SCML2: variants seen among roughly 807,000 people sequenced by gnomAD.
SCML2 encodes the protein Scm polycomb group protein like 2, also known as sex comb on midleg-like protein 2.
A neutral mutation model predicts 48.4 loss-of-function variants in SCML2; 6 were observed. The observed-to-expected ratio is 0.12, with a 90% CI of 0.07 to 0.24. The LOEUF is 0.24. Among genes scored for constraint, SCML2 ranks in the 10% least tolerant of loss-of-function variants. The pLI, the probability that SCML2 is intolerant of heterozygous loss-of-function variation, is 1.00. For missense variants in SCML2, 377 were observed against 528.2 expected (o/e 0.71, Z 2.81); for synonymous variants, 181 against 189.5 (o/e 0.95, Z 0.37).
chrX:18,262,484 G>A (rs1205444972), intron 8 of SCML2, among the ~76,000 whole-genome samples: 1 of 105,228 alleles, frequency 9.5e-6, no homozygotes, highest in Non-Finnish European at 1.9e-5. Flanking sequence ...GGGATTACAG[G>A]CACCTGTGAG....
At chrX:18,244,636 A>C (rs765806590) in intron 13 of SCML2, among the ~76,000 whole-genome samples, 23 of 111,811 alleles carry the variant, frequency 2.1e-4, no homozygotes, top group Non-Finnish European at 4.1e-4. Context: ...TGTGAAAAAT[A>C]ATCAAAGTCC....
At chrX:18,241,476 T>G in intron 14 of SCML2, 97 bp from the exon 15 acceptor site, 26 of 507,954 alleles carry the variant, frequency 5.1e-5, no homozygotes, top group South Asian at 8.3e-5. Context: ...ATACTCCGGA[T>G]ATATATTCTC....
chrX:18,252,117 T>C (rs1424132937), intron 11 of SCML2, among the ~76,000 whole-genome samples: 1 of 111,229 alleles, frequency 9.0e-6, no homozygotes, highest in Admixed American at 9.6e-5. Flanking sequence ...CTACTAAAAA[T>C]ACAAAAATTA....
chrX:18,282,503 TA>T (rs945178748), intron 7 of SCML2, among the ~76,000 whole-genome samples: 15 of 110,864 alleles, frequency 1.4e-4, no homozygotes, highest in Admixed American at 1.2e-3. Context: ...CCAAGCATAG[TA>T]GCACACACCT....
intron 7 of SCML2, among the ~76,000 whole-genome samples, chrX:18,301,400 G>GAA (rs370579964): frequency 3.9e-5 from 4 of 101,489 alleles, no homozygotes; most frequent in African/African-American, 1.4e-4. Flanking sequence ...TCCGTCTCAG[G>GAA]AAAAAAAAAA....
intron 7 of SCML2, among the ~76,000 whole-genome samples, chrX:18,286,920 A>G (rs1296325511): frequency 5.4e-5 from 6 of 110,904 alleles, no homozygotes; most frequent in Admixed American, 2.9e-4. Flanking sequence ...CTGCCTTTTC[A>G]TATTTTAACC....
chrX:18,251,372 T>C (rs1926658354), intron 11 of SCML2, among the ~76,000 whole-genome samples: 1 of 46,124 alleles, frequency 2.2e-5, no homozygotes, highest in Admixed American at 2.0e-4. Context: ...AAGAATGGGA[T>C]AAAATACATG....
rs1004847444 is a variant in SCML2, at chrX:18,239,705, T to C, written c.*1546A>G. ...ATTTCCTCTTCAAAGTTCTAACTTA[T>C]AAAATAAAGCCCCAAACATGGCTGG... is the stretch of plus-strand genomic sequence containing the variant. On this transcript the variant is annotated 3_prime_UTR_variant, in exon 15 of 15. Coordinates refer to ENST00000251900, the MANE Select transcript of SCML2 (RefSeq NM_006089.3). The C allele has an allele frequency of 7.1e-5, 8 of 112,548 alleles. No individual in the cohort carries two copies. The highest frequency in any genetic ancestry group is 9.7e-5 in the African/African-American group (3 of 30,879). 9.3% of individuals were successfully genotyped at this position (112,548 alleles called of 1,213,427 possible).
intron 1 of SCML2, among the ~76,000 whole-genome samples, 178 bp from the exon 2 acceptor site, chrX:18,334,273 G>A (rs1222939591): frequency 8.9e-6 from 1 of 112,002 alleles, no homozygotes; most frequent in Non-Finnish European, 1.9e-5. Context: ...TGACTGCTAA[G>A]GGGCATGAAT....
At chrX:18,256,717 C>A in intron 11 of SCML2, 131 bp downstream of exon 11, 2 of 460,694 alleles carry the variant, frequency 4.3e-6, no homozygotes, top group Non-Finnish European at 6.8e-6. Flanking sequence ...TGAACAAAAA[C>A]AACTATATGT....
chrX:18,267,390 T>C (rs1927289939), intron 7 of SCML2, among the ~76,000 whole-genome samples: 1 of 111,262 alleles, frequency 9.0e-6, no homozygotes, highest in Admixed American at 9.6e-5. Flanking sequence ...CTAACTAGTA[T>C]ACCTTCTTTT....
At position 18,254,365 on chromosome X, in the gene SCML2, A is replaced by G. The variant is rs1393094347; in HGVS notation, c.1456+2483T>C. Reference sequence around the variant, plus strand: ...TTCTTTAACTACAAGCTGACTTAAGAAAAACATAAGAGTTCCAACTCAAAG... The same window carrying G: ...TTCTTTAACTACAAGCTGACTTAAGGAAAACATAAGAGTTCCAACTCAAAG... On this transcript the variant is annotated intron_variant, in intron 11 of 14. Transcript: ENST00000251900. Among the ~76,000 whole-genome samples the G allele has an allele frequency of 3.6e-5, 4 of 112,184 alleles. No homozygotes were observed. In the East Asian group the frequency reaches 1.1e-3, roughly 31 times the overall value.
chrX:18,338,028 A>C (rs961255515), intron 1 of SCML2, among the ~76,000 whole-genome samples: 1 of 112,674 alleles, frequency 8.9e-6, no homozygotes, highest in Admixed American at 9.4e-5. Flanking sequence ...CAAAGAAGAA[A>C]GCTCAAGATA....
chrX:18,346,636 T>C (rs944145454), intron 1 of SCML2, among the ~76,000 whole-genome samples: 1 of 112,545 alleles, frequency 8.9e-6, no homozygotes, highest in Non-Finnish European at 1.9e-5. Context: ...TTTTAAAATC[T>C]ATCTTGTTAT....
At chrX:18,289,004 C>G (rs1928147818) in intron 7 of SCML2, among the ~76,000 whole-genome samples, 1 of 111,672 alleles carries the variant, frequency 9.0e-6, no homozygotes, top group Admixed American at 9.5e-5. Flanking sequence ...GCTCAAACCT[C>G]CTTCACTCCT....
At chrX:18,315,353 T>C (rs1213930709) in intron 6 of SCML2, among the ~76,000 whole-genome samples, 3 of 111,199 alleles carry the variant, frequency 2.7e-5, no homozygotes, top group Non-Finnish European at 3.8e-5. Context: ...ACAGGCCATA[T>C]TGAAAAACTT....
chrX:18,290,378 C>T (rs890886753), intron 7 of SCML2, among the ~76,000 whole-genome samples: 2 of 111,721 alleles, frequency 1.8e-5, no homozygotes, highest in Non-Finnish European at 3.8e-5. Flanking sequence ...CCCTCCTCCA[C>T]GGTTCCCTTT....
At chrX:18,243,902 T>C in intron 13 of SCML2, among the ~76,000 whole-genome samples, 1 of 112,202 alleles carries the variant, frequency 8.9e-6, no homozygotes, top group Non-Finnish European at 1.9e-5. Context: ...ACAAATTTGA[T>C]GTTTTTTTGT....
intron 7 of SCML2, among the ~76,000 whole-genome samples, chrX:18,274,083 C>A (rs1383049630): frequency 1.8e-5 from 2 of 112,104 alleles, no homozygotes; most frequent in Admixed American, 1.9e-4. Context: ...AGTGCGAGTG[C>A]AAAAGGCTGT....
Sources: gnomAD v4.1 joint callset for allele counts (sites outside exome capture counted in the v4.1 genomes callset) on GRCh38, gnomAD v4.1.1 for gene constraint, MANE v1.5 for transcripts, NCBI Gene and HGNC (gene_info 2026-07-23, HGNC 2026-07-21) for gene names.